MICU3: variants seen among roughly 807,000 people sequenced by gnomAD.
MICU3 encodes the protein calcium uptake protein 3, mitochondrial.
Under a neutral mutation model 66.5 loss-of-function variants are expected in MICU3, and 62 were observed. That is an observed-to-expected ratio of 0.93 (90% CI 0.76 to 1.15). The LOEUF (loss-of-function observed/expected upper bound fraction) is 1.15. MICU3 is among the 50% of genes most tolerant of loss of function. MICU3 has a pLI of 0.00. For synonymous variants in MICU3, 308 were observed against 240.7 expected (o/e 1.28, Z -2.59); for missense variants, 779 against 664.4 (o/e 1.17, Z -1.90).
intron 1 of MICU3, among the ~76,000 whole-genome samples, chr8:17,051,069 C>T (rs1417963481): frequency 1.3e-5 from 2 of 152,064 alleles, no homozygotes; most frequent in African/African-American, 4.8e-5. Flanking sequence ...TTTTTATATA[C>T]ATCTGAAACT....
At chr8:17,123,804 ATATTT>A (rs1803330292), downstream of MICU3, among the ~76,000 whole-genome samples, 1 of 152,102 alleles carries the variant, frequency 6.6e-6, no homozygotes, top group Non-Finnish European at 1.5e-5. Context: ...GATCTGTAAA[ATATTT>A]TAATGGGAGC....
intron 11 of MICU3, among the ~76,000 whole-genome samples, chr8:17,107,253 G>A (rs1563388551): frequency 6.6e-6 from 1 of 152,144 alleles, no homozygotes; most frequent in African/African-American, 2.4e-5. Context: ...AGACTGTTAG[G>A]AAGAGCTTTG....
intron 1 of MICU3, among the ~76,000 whole-genome samples, chr8:17,040,693 G>T (rs962750628): frequency 6.6e-6 from 1 of 152,128 alleles, no homozygotes; most frequent in African/African-American, 2.4e-5. Flanking sequence ...AGTATTAGTG[G>T]CTGGTCAAAT....
chr8:17,098,307 C>G, intron 8 of MICU3, 151 bp from the exon 9 acceptor site: 2 of 690,634 alleles, frequency 2.9e-6, no homozygotes, highest in Non-Finnish European at 5.2e-6. Flanking sequence ...TAATACAATA[C>G]TGTGGTGCAC....
intron 8 of MICU3, among the ~76,000 whole-genome samples, chr8:17,093,903 T>C (rs1373482897): frequency 6.6e-6 from 1 of 151,972 alleles, no homozygotes. Context: ...AACGTAAATA[T>C]ACAATAAAAT....
At chr8:17,117,289 T>C (rs1314069341) in intron 13 of MICU3, among the ~76,000 whole-genome samples, 1 of 152,182 alleles carries the variant, frequency 6.6e-6, no homozygotes, top group Non-Finnish European at 1.5e-5. Flanking sequence ...CTATTTCTCA[T>C]TTTAGATGAC....
chr8:17,104,538 A>T, intron 10 of MICU3, 47 bp downstream of exon 10: 2 of 991,136 alleles, frequency 2.0e-6, no homozygotes, highest in Non-Finnish European at 2.9e-6. Context: ...GCCTACTGAA[A>T]TCAGAAGGAT....
chr8:17,029,782 C>T lies in MICU3; in HGVS notation c.381+2122C>T, dbSNP rs190516661. ...TAAGAGGCCTTTCAATATGGAAATC[C>T]GTGTCTAAAAAATTCTGTGTAATTT... On this transcript the variant is annotated intron_variant, in intron 1 of 14. Coordinates refer to ENST00000318063, the MANE Select transcript of MICU3 (RefSeq NM_181723.3). Among the ~76,000 whole-genome samples, 796 of 152,188 alleles carry T rather than the reference C, an allele frequency of 5.2e-3. 10 individuals carry two copies. Among genetic ancestry groups the T allele is most frequent in the African/African-American group, 0.018 (756 of 41,512 alleles).
At chr8:17,043,118 T>A (rs1814474808) in intron 1 of MICU3, among the ~76,000 whole-genome samples, 1 of 151,454 alleles carries the variant, frequency 6.6e-6, no homozygotes. Context: ...TTTTTGTATT[T>A]TTAGTAGAGA....
rs184070288 is a variant in MICU3, at chr8:17,088,296, G to C, written c.849+1261G>C. Among the ~76,000 whole-genome samples the C allele has an allele frequency of 2.2e-3, 337 of 151,872 alleles. 2 individuals carry two copies. Among genetic ancestry groups the C allele is most frequent in the African/African-American group, 7.8e-3 (324 of 41,472 alleles). On this transcript the variant is annotated intron_variant, in intron 7 of 14. Coordinates refer to ENST00000318063, the MANE Select transcript of MICU3 (RefSeq NM_181723.3). ...GTAATGTTAGTCAAGTATCAAAAGG[G>C]GCAGTAGTAGTTCTCTACTTAATTC...
intron 1 of MICU3, chr8:17,049,676 G>A (rs1815724495): frequency 1.9e-6 from 1 of 513,466 alleles, no homozygotes; most frequent in South Asian, 1.4e-5. Context: ...GTTGTGTAAT[G>A]TGAAAAAACA....
chr8:17,029,765 C>T (rs1473338669), intron 1 of MICU3, among the ~76,000 whole-genome samples: 1 of 152,120 alleles, frequency 6.6e-6, no homozygotes, highest in East Asian at 1.9e-4. Context: ...CTTAAGAGGC[C>T]TTTCAATATG....
chr8:17,091,367 G>T (rs955684721), intron 8 of MICU3, among the ~76,000 whole-genome samples: 1 of 152,036 alleles, frequency 6.6e-6, no homozygotes, highest in South Asian at 2.1e-4. Flanking sequence ...TAAGCCTCCT[G>T]CAAGGATCCC....
chr8:17,054,205 G>C (rs2150580515), intron 1 of MICU3, among the ~76,000 whole-genome samples: 1 of 152,220 alleles, frequency 6.6e-6, no homozygotes, highest in East Asian at 1.9e-4. Context: ...TATCTAGTTA[G>C]AATATTCCCA....
chr8:17,029,962 A>C (rs987350962), intron 1 of MICU3, among the ~76,000 whole-genome samples: 3 of 152,004 alleles, frequency 2.0e-5, no homozygotes, highest in African/African-American at 7.2e-5. Flanking sequence ...TCATCTGTTT[A>C]TTTGTTTTTA....
chr8:17,066,539 ATAGAT>A (rs1278844806), intron 2 of MICU3, among the ~76,000 whole-genome samples: 1 of 115,018 alleles, frequency 8.7e-6, no homozygotes, highest in African/African-American at 3.5e-5. Context: ...ATATATATAT[ATAGAT>A]TTTTTTTTTT....
rs750371308 is a variant in MICU3, at chr8:17,114,229, G to A, written c.1366+28G>A. ...AAGTAATCATCTACAAAAATTAAAA[G>A]CAAGAAGTAATACTACATTGTTTCT... On this transcript the variant is annotated intron_variant, in intron 12 of 14. Coordinates refer to ENST00000318063, the MANE Select transcript of MICU3 (RefSeq NM_181723.3). The A allele has an allele frequency of 2.6e-5, 36 of 1,398,588 alleles. No individual in the cohort carries two copies. In the South Asian group the frequency reaches 4.4e-4, roughly 17 times the overall value. The allele number at this position is 1,398,588 out of a possible 1,614,324, so 86.6% of individuals were successfully genotyped here. A position where few individuals can be genotyped will look rare whatever the true frequency, so the allele number is the denominator to read the frequency against.
Position 17,098,545 on chromosome 8 carries a change from C to T in MICU3, c.976C>T (p.Leu326Phe). The change falls in exon 9 of 15, where the codon CTC becomes TTC. Residue 326 changes from leucine to phenylalanine, a missense_variant. By Grantham distance (22) the Leu-to-Phe change is conservative. Coordinates refer to ENST00000318063, the MANE Select transcript of MICU3 (RefSeq NM_181723.3). ...RNTSQALFSDLAERADDITSL... is the reference protein window; with the variant it reads ...RNTSQALFSDFAERADDITSL... The stretch of plus-strand genomic sequence containing the variant: ...CACAAGCCAAGCACTGTTTTCAGAC[C>T]TCGCAGAGGTATAATTAAACCTCAA... 1 of 1,605,300 alleles carries T rather than the reference C, an allele frequency of 6.2e-7. No homozygotes were observed. Among genetic ancestry groups the T allele is most frequent in the Non-Finnish European group, 8.5e-7 (1 of 1,172,594 alleles).
intron 2 of MICU3, among the ~76,000 whole-genome samples, chr8:17,065,165 T>C (rs917390185): frequency 6.6e-6 from 1 of 152,164 alleles, no homozygotes; most frequent in African/African-American, 2.4e-5. Context: ...TAATCATTTG[T>C]TCGACCCATA....
Sources: allele counts gnomAD v4.1 joint callset (sites outside exome capture counted in the v4.1 genomes callset), GRCh38; gene constraint gnomAD v4.1.1; transcripts MANE v1.5; gene names NCBI Gene and HGNC (gene_info 2026-07-23, HGNC 2026-07-21).